AGAP1: variants seen among roughly 807,000 people sequenced by gnomAD.
AGAP1 encodes the protein arf-GAP with GTPase, ANK repeat and PH domain-containing protein 1.
In AGAP1, 29 loss-of-function variants were observed where a neutral mutation model predicts 105.3. The observed-to-expected ratio is 0.28, with a 90% confidence interval of 0.21 to 0.38. The LOEUF (loss-of-function observed/expected upper bound fraction) is 0.38, where lower values mean the gene tolerates loss of function less well. Among genes scored for constraint, AGAP1 ranks in the 10% least tolerant of loss-of-function variants. The probability of loss-of-function intolerance (pLI) is 1.00; values close to 1 mark genes in which losing one functional copy is unlikely to be tolerated. For synonymous variants in AGAP1, 509 were observed against 485.9 expected (o/e 1.05, Z -0.63); for missense variants, 998 against 1,165.1 (o/e 0.86, Z 2.09).
At chr2:235,500,057 G>C (rs1247280432) in intron 1 of AGAP1, among the ~76,000 whole-genome samples, 1 of 152,162 alleles carries the variant, frequency 6.6e-6, no homozygotes, top group South Asian at 2.1e-4. Flanking sequence ...TGGGAACTCA[G>C]TGTCATGTGG....
chr2:235,543,790 G>A (rs1247335494), intron 1 of AGAP1, among the ~76,000 whole-genome samples: 2 of 152,214 alleles, frequency 1.3e-5, no homozygotes, highest in African/African-American at 4.8e-5. Context: ...GAGTGGTAGT[G>A]TCAGGGCGGT....
chr2:236,015,369 C>T (rs1462372915), intron 13 of AGAP1, among the ~76,000 whole-genome samples: 1 of 123,482 alleles, frequency 8.1e-6, no homozygotes, highest in Non-Finnish European at 1.6e-5. Flanking sequence ...CAGGCCCGGG[C>T]CATTTGCATG....
Position 235,689,721 on chromosome 2 carries a change from A to T in AGAP1, c.164-19458A>T, listed in dbSNP as rs994858295. On this transcript the variant is annotated intron_variant, in intron 1 of 17. Coordinates refer to ENST00000304032, the MANE Select transcript of AGAP1 (RefSeq NM_001037131.3). This position sits in a 1 kb window ranked among gnomAD's most constrained non-coding sequence, Gnocchi z 4.2. The stretch of plus-strand genomic sequence containing the variant: ...GAGAGTTCCACTTTTCAGGACAGTC[A>T]TAGAGCTGCACTGTTGGTAAACTGT... 6.6e-6 allele frequency among the ~76,000 whole-genome samples: 1 copy of T among 152,216 alleles called. No individual in the cohort carries two copies. Among genetic ancestry groups the T allele is most frequent in the South Asian group, 2.1e-4 (1 of 4,828 alleles).
chr2:235,641,241 T>C (rs1158420754), intron 1 of AGAP1, among the ~76,000 whole-genome samples: 2 of 152,000 alleles, frequency 1.3e-5, no homozygotes, highest in Non-Finnish European at 2.9e-5. Flanking sequence ...GTTACAAATA[T>C]GATTCAGGCA....
intron 9 of AGAP1, among the ~76,000 whole-genome samples, chr2:235,840,162 A>C (rs1223703876): frequency 6.6e-6 from 1 of 152,198 alleles, no homozygotes; most frequent in Admixed American, 6.5e-5. Flanking sequence ...GGTTCCCTCC[A>C]GAGGTGACAC....
Position 235,828,155 on chromosome 2 carries a change from C to T in AGAP1, c.1050+20824C>T, listed in dbSNP as rs549002078. Among the ~76,000 whole-genome samples, 111 of 152,206 alleles carry T rather than the reference C, an allele frequency of 7.3e-4. 1 individual carries two copies. The highest frequency in any genetic ancestry group is 1.3e-3 in the Non-Finnish European group (86 of 68,022). On this transcript the variant is annotated intron_variant, in intron 9 of 17. Coordinates refer to ENST00000304032, the MANE Select transcript of AGAP1 (RefSeq NM_001037131.3). ...TTCTGGGAAATAATGGGATTAAATT[C>T]GAGTATCTTTCTTGGCTACAGGAAT...
rs1486203012 is a variant in AGAP1 at position 235,716,024 on chromosome 2, G to A, written c.223-1533G>A. Among the ~76,000 whole-genome samples the A allele has an allele frequency of 6.6e-6, 1 of 152,210 alleles. No homozygotes were observed. The highest frequency in any genetic ancestry group is 1.5e-5 in the Non-Finnish European group (1 of 68,044). ...CTAAGTAGGGGCGCCTGGAGCTGGGGTGGACGGCGGCCAGGGGATGCGATT... is the reference window on the plus strand; with the variant it reads ...CTAAGTAGGGGCGCCTGGAGCTGGGATGGACGGCGGCCAGGGGATGCGATT... On this transcript the variant is annotated intron_variant, in intron 2 of 17. Coordinates refer to ENST00000304032, the MANE Select transcript of AGAP1 (RefSeq NM_001037131.3). This position sits in a 1 kb window ranked among gnomAD's most constrained non-coding sequence, Gnocchi z 4.0.
rs2149623910 is a variant in AGAP1 at position 235,733,935 on chromosome 2, A to G, written c.311-7028A>G. Among the ~76,000 whole-genome samples the G allele has an allele frequency of 6.6e-6, 1 of 152,334 alleles. No homozygotes were observed. Among genetic ancestry groups the G allele is most frequent in the African/African-American group, 2.4e-5 (1 of 41,562 alleles). Reference sequence around the variant, plus strand: ...AAACCTTTTTCCCAGTGTATAAATAATATGTGGTCCAAAATTCCTTTTAAA... The same window carrying G: ...AAACCTTTTTCCCAGTGTATAAATAGTATGTGGTCCAAAATTCCTTTTAAA... On this transcript the variant is annotated intron_variant, in intron 3 of 17. Coordinates refer to ENST00000304032, the MANE Select transcript of AGAP1 (RefSeq NM_001037131.3). The surrounding 1 kb of genome is among the most constrained non-coding windows in gnomAD (Gnocchi z 5.0).
At chr2:235,836,027 ACT>A (rs1185211534) in intron 9 of AGAP1, among the ~76,000 whole-genome samples, 14 of 152,050 alleles carry the variant, frequency 9.2e-5, no homozygotes, top group South Asian at 6.2e-4. Flanking sequence ...GCCTGCTGAA[ACT>A]CTAACAGCAT....
At chr2:235,548,895 A>G (rs1943714077) in intron 1 of AGAP1, among the ~76,000 whole-genome samples, 1 of 152,170 alleles carries the variant, frequency 6.6e-6, no homozygotes, top group African/African-American at 2.4e-5. Context: ...GGTTATTGGA[A>G]CACAGCCATA....
At chr2:236,039,814 A>T (rs1023576811) in intron 14 of AGAP1, among the ~76,000 whole-genome samples, 8 of 152,254 alleles carry the variant, frequency 5.3e-5, no homozygotes, top group Admixed American at 2.6e-4. Flanking sequence ...AACAGGCTAA[A>T]AGAACAGACA....
rs2125171588 is a variant in AGAP1 at position 235,934,217 on chromosome 2, T to G, written c.1483+3294T>G. On this transcript the variant is annotated intron_variant, in intron 12 of 17. Coordinates refer to ENST00000304032, the MANE Select transcript of AGAP1 (RefSeq NM_001037131.3). This position sits in a 1 kb window ranked among gnomAD's most constrained non-coding sequence, Gnocchi z 4.9. ...AGGGGATGGGACCAGGCAACCTGTG[T>G]ATAGCAAGCCCTCTGGGATCACATG... 6.6e-6 allele frequency among the ~76,000 whole-genome samples: 1 copy of G among 152,312 alleles called. No individual in the cohort carries two copies. The highest frequency in any genetic ancestry group is 2.1e-4 in the South Asian group (1 of 4,828).
chr2:235,681,977 G>A (rs138262332), intron 1 of AGAP1, among the ~76,000 whole-genome samples: 4,830 of 149,774 alleles, frequency 0.032, 253 homozygotes, highest in African/African-American at 0.11. Flanking sequence ...AGCCTCCCAA[G>A]TAGCTGGGAT....
At position 235,919,915 on chromosome 2, in the gene AGAP1, A is replaced by G. The variant is rs1159324574; in HGVS notation, c.1325-10850A>G. Among the ~76,000 whole-genome samples, 1 of 152,212 alleles carries G rather than the reference A, an allele frequency of 6.6e-6. No individual in the cohort carries two copies. The highest frequency in any genetic ancestry group is 2.4e-5 in the African/African-American group (1 of 41,464). The stretch of plus-strand genomic sequence containing the variant: ...CAGGAGATGGATTGTGGCCAAGACA[A>G]GCCGTACGATGGCGCTCTCCATAAA... On this transcript the variant is annotated intron_variant, in intron 11 of 17. Coordinates refer to ENST00000304032, the MANE Select transcript of AGAP1 (RefSeq NM_001037131.3). The surrounding 1 kb of genome is among the most constrained non-coding windows in gnomAD (Gnocchi z 4.1).
chr2:235,993,050 T>A lies in AGAP1; in HGVS notation c.1645+24427T>A, dbSNP rs1284189609. 2.0e-5 allele frequency among the ~76,000 whole-genome samples: 3 copies of A among 152,240 alleles called. No homozygotes were observed. Among genetic ancestry groups the A allele is most frequent in the African/African-American group, 7.2e-5 (3 of 41,464 alleles). On this transcript the variant is annotated intron_variant, in intron 13 of 17. Coordinates refer to ENST00000304032, the MANE Select transcript of AGAP1 (RefSeq NM_001037131.3). This position sits in a 1 kb window ranked among gnomAD's most constrained non-coding sequence, Gnocchi z 5.0. The stretch of plus-strand genomic sequence containing the variant: ...CAAAAAACCAGTTTAAGACATGGAC[T>A]TTTTTCATATGTACATCTGAAAATG...
chr2:235,653,916 A>T (rs1343348943), intron 1 of AGAP1, among the ~76,000 whole-genome samples: 2 of 151,742 alleles, frequency 1.3e-5, no homozygotes, highest in Non-Finnish European at 2.9e-5. Flanking sequence ...ATTAGCCGGG[A>T]GTGGTGGCAG....
rs1001584915 is a variant in AGAP1 at position 235,550,352 on chromosome 2, A to T, written c.163+55503A>T. Among the ~76,000 whole-genome samples the T allele has an allele frequency of 9.9e-5, 15 of 152,024 alleles. No homozygotes were observed. The highest frequency in any genetic ancestry group is 2.2e-4 in the Non-Finnish European group (15 of 68,002). On this transcript the variant is annotated intron_variant, in intron 1 of 17. Coordinates refer to ENST00000304032, the MANE Select transcript of AGAP1 (RefSeq NM_001037131.3). The surrounding 1 kb of genome is among the most constrained non-coding windows in gnomAD (Gnocchi z 4.6). ...GGCTCTGTGTTCCCTTTGCCTTTTG[A>T]GCTCTTCATAAAATCACTGCCAGTG...
chr2:235,677,233 C>G (rs561664253), intron 1 of AGAP1, among the ~76,000 whole-genome samples: 45 of 152,134 alleles, frequency 3.0e-4, no homozygotes, highest in African/African-American at 1.1e-3. Flanking sequence ...GTTCATTTTC[C>G]TAGTTGATTT....
rs749344306 is a variant in AGAP1 at position 236,051,138 on chromosome 2, A to ACT, written c.2114+1858_2114+1859dup. Reference sequence around the variant, plus strand: ...GGCCGAGTTGTAATTCCTCTCCAAGACTGTGGTGTTGGTGATGTGGTTCTG... The same window carrying ACT: ...GGCCGAGTTGTAATTCCTCTCCAAGACTCTGTGGTGTTGGTGATGTGGTTCTG... On this transcript the variant is annotated intron_variant, in intron 16 of 17. Transcript: ENST00000304032. The surrounding 1 kb of genome is among the most constrained non-coding windows in gnomAD (Gnocchi z 5.9). Among the ~76,000 whole-genome samples the ACT allele has an allele frequency of 6.6e-6, 1 of 152,130 alleles. No individual in the cohort carries two copies. The highest frequency in any genetic ancestry group is 1.5e-5 in the Non-Finnish European group (1 of 68,016).
Sources: gnomAD v4.1 joint callset for allele counts (sites outside exome capture counted in the v4.1 genomes callset) on GRCh38, gnomAD v4.1.1 for gene constraint, Gnocchi (gnomAD v3.1) non-coding constraint, MANE v1.5 for transcripts, NCBI Gene and HGNC (gene_info 2026-07-23, HGNC 2026-07-21) for gene names.